The following TAS2R20 variants were observed in gnomAD, a reference collection of about 807,000 sequenced individuals.
TAS2R20 encodes the protein taste receptor type 2 member 20.
For synonymous variants in TAS2R20, 136 were observed against 127.1 expected (o/e 1.07, Z -0.47); for missense variants, 364 against 352.2 (o/e 1.03, Z -0.27).
chr12:10,996,261 G>A lies in TAS2R20; in HGVS notation c.*685C>T, dbSNP rs1403010879. Among the ~76,000 whole-genome samples, 1 of 151,710 alleles carries A rather than the reference G, an allele frequency of 6.6e-6. No individual in the cohort carries two copies. Among genetic ancestry groups the A allele is most frequent in the African/African-American group, 2.4e-5 (1 of 41,312 alleles). On this transcript the variant is annotated 3_prime_UTR_variant, in exon 1 of 1. Coordinates refer to ENST00000538986, the MANE Select transcript of TAS2R20 (RefSeq NM_176889.4). ...TGGAAATCACTTGAACCCCAGAGGT[G>A]AACGTTGTGGTGAGCCAAGATTGTG...
rs768693179 is a variant in TAS2R20, at chr12:10,996,973, T to G, written c.903A>C (p.Ala301=). ...ATGGAGTTGACTGGTTCTGTCCTTT[T>G]GCCCAGCAAGTCACCTGCCACAAAA... ...LSVLWQVTCW[A]KGQNQSTP The change falls in exon 1 of 1, where the codon GCA becomes GCC. Residue 301 remains alanine, a synonymous_variant. Transcript: ENST00000538986. 1.9e-6 allele frequency: 3 copies of G among 1,613,266 alleles called. No individual in the cohort carries two copies. The African/African-American group carries it at 4.0e-5, about 22-fold the overall frequency.
chr12:10,997,051 G>A lies in TAS2R20; in HGVS notation c.825C>T (p.His275=), dbSNP rs747469038. The A allele has an allele frequency of 1.9e-6, 3 of 1,613,944 alleles. No individual in the cohort carries two copies. Among genetic ancestry groups the A allele is most frequent in the African/African-American group, 1.3e-5 (1 of 74,928 alleles). The change falls in exon 1 of 1, where the codon CAC becomes CAT. Residue 275 remains histidine, a synonymous_variant. Transcript: ENST00000538986. ...QAFGIIYPSF[H]SFILIWGNKT... is the part of the protein sequence containing the mutation. Reference sequence around the variant, plus strand: ...TGTTCCCCCAAATCAGAATGAATGAGTGGAATGATGGATATATGATTCCAA... The same window carrying A: ...TGTTCCCCCAAATCAGAATGAATGAATGGAATGATGGATATATGATTCCAA...
Position 10,998,012 on chromosome 12 carries a change from G to T in TAS2R20, c.-137C>A. On this transcript the variant is annotated 5_prime_UTR_variant, in exon 1 of 1. Transcript: ENST00000538986. ...CATTCTTTATACTTTTAAATTCTGT[G>T]AACAATGTCAACAGAAAAGCACCAG... 3 of 601,358 alleles carry T rather than the reference G, an allele frequency of 5.0e-6. No individual in the cohort carries two copies. Among genetic ancestry groups the T allele is most frequent in the Non-Finnish European group, 8.3e-6 (3 of 360,628 alleles). The allele number at this position is 601,358 out of a possible 1,614,324, so 37.3% of individuals were successfully genotyped here.
chr12:10,997,740 G>C lies in TAS2R20; in HGVS notation c.136C>G (p.Gln46Glu), dbSNP rs1417476315. The change falls in exon 1 of 1, where the codon CAA becomes GAA. Residue 46 changes from glutamine (Q) to glutamate (E), a missense_variant. Physicochemically the swap from Gln to Glu is conservative, Grantham distance 29 (BLOSUM62 2). Coordinates refer to ENST00000538986, the MANE Select transcript of TAS2R20 (RefSeq NM_176889.4). ...GAGACTGCCAGAGCAGCAATAATTT[G>C]ATCAGCTGAGGAGATCTTTTGTCTC... ...VKRQKISSAD[Q>E]IIAALAVSRV... 6.2e-7 allele frequency: 1 copy of C among 1,613,904 alleles called. No homozygotes were observed. The highest frequency in any genetic ancestry group is 8.5e-7 in the Non-Finnish European group (1 of 1,179,916).
Position 10,996,173 on chromosome 12 carries a change from C to CA in TAS2R20, c.*772dup, listed in dbSNP as rs1940221227. On this transcript the variant is annotated 3_prime_UTR_variant, in exon 1 of 1. Transcript: ENST00000538986. ...TCTACTAAAAAAAAAAAGAAAAATA[C>CA]AAAAAATTAGCCACGTGTGGTAGCG... is the stretch of plus-strand genomic sequence containing the variant. 6.7e-6 allele frequency among the ~76,000 whole-genome samples: 1 copy of CA among 150,344 alleles called. No homozygotes were observed. Among genetic ancestry groups the CA allele is most frequent in the Non-Finnish European group, 1.5e-5 (1 of 67,534 alleles).
chr12:10,997,824 T>C lies in TAS2R20; in HGVS notation c.52A>G (p.Ile18Val), dbSNP rs917131548. 1 of 1,612,060 alleles carries C rather than the reference T, an allele frequency of 6.2e-7. No homozygotes were observed. Among genetic ancestry groups the C allele is most frequent in the Non-Finnish European group, 8.5e-7 (1 of 1,179,424 alleles). ...VFSILVVVAFILGNFANGFIA... is the reference protein window; with the variant it reads ...VFSILVVVAFVLGNFANGFIA... ...AAGCCATTGGCAAAATTTCCAAGAA[T>C]AAATGCAACCACTACTAGAATGGAA... The change falls in exon 1 of 1, where the codon ATT (isoleucine) becomes GTT (valine). Residue 18 changes from isoleucine (I) to valine (V), a missense_variant. Transcript: ENST00000538986.
Position 10,997,520 on chromosome 12 carries a change from T to C in TAS2R20, c.356A>G (p.His119Arg). ...ACTCTTAGCCTTCCTTTTTAAGTGATGAAAAATAAGTCTGGAGAAATTGAC... is the reference window on the plus strand; with the variant it reads ...ACTCTTAGCCTTCCTTTTTAAGTGACGAAAAATAAGTCTGGAGAAATTGAC... ...KIVNFSRLIF[H>R]HLKRKAKSVV... The change falls in exon 1 of 1, where the codon CAT (histidine) becomes CGT (arginine). Residue 119 changes from histidine (H) to arginine (R), a missense_variant. His to Arg is a conservative substitution (Grantham distance 29, BLOSUM62 0). Transcript: ENST00000538986. The C allele has an allele frequency of 6.2e-7, 1 of 1,613,918 alleles. No individual in the cohort carries two copies. Among genetic ancestry groups the C allele is most frequent in the Non-Finnish European group, 8.5e-7 (1 of 1,179,936 alleles).
chr12:10,997,393 G>C lies in TAS2R20; in HGVS notation c.483C>G (p.Asn161Lys), dbSNP rs1445291780. ...TCCTCAGTTTGATCTTCCAAGTTACGTTTCCTTCACATTCTTCTGTCCACA... is the reference window on the plus strand; with the variant it reads ...TCCTCAGTTTGATCTTCCAAGTTACCTTTCCTTCACATTCTTCTGTCCACA... ...INVWTEECEG[N>K]VTWKIKLRNA... The change falls in exon 1 of 1, where the codon AAC becomes AAG. Residue 161 changes from asparagine to lysine, a missense_variant. Asn to Lys is a moderately conservative substitution (Grantham distance 94). Transcript: ENST00000538986. The C allele has an allele frequency of 6.2e-7, 1 of 1,614,082 alleles. No homozygotes were observed. The highest frequency in any genetic ancestry group is 8.5e-7 in the Non-Finnish European group (1 of 1,180,004).
At position 10,997,470 on chromosome 12, in the gene TAS2R20, A is replaced by T. The variant is rs1940335347; in HGVS notation, c.406T>A (p.Ser136Thr). Residue 136 changes from serine (S) to threonine (T), a missense_variant, in exon 1 of 1, where the codon TCT becomes ACT. Transcript: ENST00000538986. ...AGGTGACAAACCAAAAAGAACAAAG[A>T]CCCCAACACTATCACCAGAACTACA... ...KSVVLVIVLG[S>T]LFFLVCHLVM... 2 of 1,613,140 alleles carry T rather than the reference A, an allele frequency of 1.2e-6. No homozygotes were observed. The highest frequency in any genetic ancestry group is 2.2e-5 in the South Asian group (2 of 91,036).
chr12:10,997,713 T>C lies in TAS2R20; in HGVS notation c.163A>G (p.Arg55Gly). ...AATATTACCCAGAGCAAACCAACTCTGGAGACTGCCAGAGCAGCAATAATT... is the reference window on the plus strand; with the variant it reads ...AATATTACCCAGAGCAAACCAACTCCGGAGACTGCCAGAGCAGCAATAATT... ...DQIIAALAVSRVGLLWVILLH... is the reference protein window; with the variant it reads ...DQIIAALAVSGVGLLWVILLH... Residue 55 changes from arginine to glycine, a missense_variant, in exon 1 of 1, where the codon AGA becomes GGA. By Grantham distance (125) the Arg-to-Gly change is moderately radical (BLOSUM62 -2). Coordinates refer to ENST00000538986, the MANE Select transcript of TAS2R20 (RefSeq NM_176889.4). 1 of 1,613,910 alleles carries C rather than the reference T, an allele frequency of 6.2e-7. No homozygotes were observed. Among genetic ancestry groups the C allele is most frequent in the Non-Finnish European group, 8.5e-7 (1 of 1,179,922 alleles).
rs1421526946 is a variant in TAS2R20 at position 10,998,048 on chromosome 12, T to C, written c.-173A>G. On this transcript the variant is annotated 5_prime_UTR_variant, in exon 1 of 1. Coordinates refer to ENST00000538986, the MANE Select transcript of TAS2R20 (RefSeq NM_176889.4). ...ACAGAAAAGCACCAGCTTAAACTAA[T>C]GAATGAGTTCAATGCTGCCTTTATG... Among the ~76,000 whole-genome samples the C allele has an allele frequency of 2.0e-5, 3 of 152,202 alleles. No individual in the cohort carries two copies. Among genetic ancestry groups the C allele is most frequent in the Admixed American group, 6.5e-5 (1 of 15,272 alleles).
Position 10,997,390 on chromosome 12 carries a change from T to A in TAS2R20, c.486A>T (p.Val162=). The A allele has an allele frequency of 6.2e-7, 1 of 1,614,154 alleles. No homozygotes were observed. Among genetic ancestry groups the A allele is most frequent in the Non-Finnish European group, 8.5e-7 (1 of 1,180,018 alleles). ...CATTCCTCAGTTTGATCTTCCAAGT[T>A]ACGTTTCCTTCACATTCTTCTGTCC... ...NVWTEECEGN[V]TWKIKLRNAM... Residue 162 remains valine, a synonymous_variant, in exon 1 of 1, where the codon GTA becomes GTT. Coordinates refer to ENST00000538986, the MANE Select transcript of TAS2R20 (RefSeq NM_176889.4).
In TAS2R20 at chr12:10,997,549, C is replaced by T. The variant is rs1159637028; in HGVS notation, c.327G>A (p.Lys109=). The T allele has an allele frequency of 6.2e-7, 1 of 1,614,050 alleles. No homozygotes were observed. The highest frequency in any genetic ancestry group is 8.5e-7 in the Non-Finnish European group (1 of 1,179,954). ...AAATAAGTCTGGAGAAATTGACGAT[C>T]TTGAGCAAATAAAATATGCTGAGGC... ...ATSLSIFYLL[K]IVNFSRLIFH... The change falls in exon 1 of 1, where the codon AAG becomes AAA. Residue 109 remains lysine (K), a synonymous_variant. Transcript: ENST00000538986.
chr12:10,997,670 G>T lies in TAS2R20; in HGVS notation c.206C>A (p.Thr69Asn). 2 of 1,613,670 alleles carry T rather than the reference G, an allele frequency of 1.2e-6. No individual in the cohort carries two copies. Among genetic ancestry groups the T allele is most frequent in the Non-Finnish European group, 1.7e-6 (2 of 1,179,888 alleles). Residue 69 changes from threonine (T) to asparagine (N), a missense_variant, in exon 1 of 1, where the codon ACT becomes AAT. Physicochemically the swap from Thr to Asn is moderately conservative, Grantham distance 65 (BLOSUM62 0). Coordinates refer to ENST00000538986, the MANE Select transcript of TAS2R20 (RefSeq NM_176889.4). ...ATTAGATGAAGTTGGATTCAACACA[G>T]TTGAATACCAATGTAATAATATTAC... is the stretch of plus-strand genomic sequence containing the variant. ...LWVILLHWYS[T>N]VLNPTSSNLK...
Position 10,998,017 on chromosome 12 carries a change from A to T in TAS2R20, c.-142T>A. The T allele has an allele frequency of 3.4e-6, 2 of 591,012 alleles. No homozygotes were observed. Among genetic ancestry groups the T allele is most frequent in the Non-Finnish European group, 5.7e-6 (2 of 351,498 alleles). The allele number at this position is 591,012 out of a possible 1,614,324, so 36.6% of individuals were successfully genotyped here. ...TTTATACTTTTAAATTCTGTGAACA[A>T]TGTCAACAGAAAAGCACCAGCTTAA... On this transcript the variant is annotated 5_prime_UTR_variant, in exon 1 of 1. It adds an upstream start codon to the 5' untranslated region. Transcript: ENST00000538986.
the TAS2R20 span, chr12:10,997,126 C>T: frequency 1.2e-6 from 2 of 1,613,994 alleles, no homozygotes; most frequent in South Asian, 2.2e-5. Flanking sequence ...TCTTAAAATT[C>T]CAAAACGATA....
chr12:10,997,412 G>A lies in TAS2R20; in HGVS notation c.464C>T (p.Thr155Ile). 1 of 1,614,008 alleles carries A rather than the reference G, an allele frequency of 6.2e-7. No homozygotes were observed. Residue 155 changes from threonine to isoleucine, a missense_variant, in exon 1 of 1, where the codon ACA (threonine) becomes ATA (isoleucine). Coordinates refer to ENST00000538986, the MANE Select transcript of TAS2R20 (RefSeq NM_176889.4). ...VMKHTYINVW[T>I]EECEGNVTWK... is the part of the protein sequence containing the mutation. The stretch of plus-strand genomic sequence containing the variant: ...AGTTACGTTTCCTTCACATTCTTCT[G>A]TCCACACATTTATATACGTGTGTTT...
chr12:10,996,151 A>G lies in TAS2R20; in HGVS notation c.*795T>C, dbSNP rs897180735. ...GCCAGCATGGTGAAACCCCATCTCT[A>G]CTAAAAAAAAAAAGAAAAATACAAA... On this transcript the variant is annotated 3_prime_UTR_variant, in exon 1 of 1. Coordinates refer to ENST00000538986, the MANE Select transcript of TAS2R20 (RefSeq NM_176889.4). Among the ~76,000 whole-genome samples the G allele has an allele frequency of 1.7e-4, 25 of 151,392 alleles. No homozygotes were observed. The highest frequency in any genetic ancestry group is 2.9e-4 in the Non-Finnish European group (20 of 67,874).
Position 10,997,078 on chromosome 12 carries a change from A to G in TAS2R20, c.798T>C (p.Ala266=), listed in dbSNP as rs1193538195. The part of the protein sequence containing the change: ...PKEIVLMLCQ[A]FGIIYPSFHS... ...GGAATGATGGATATATGATTCCAAA[A>G]GCTTGGCAAAGCATTAAGACAATTT... is the stretch of plus-strand genomic sequence containing the variant. The change falls in exon 1 of 1, where the codon GCT becomes GCC. Residue 266 remains alanine, a synonymous_variant. Transcript: ENST00000538986. 1.2e-6 allele frequency: 2 copies of G among 1,613,960 alleles called. No individual in the cohort carries two copies. The highest frequency in any genetic ancestry group is 1.7e-6 in the Non-Finnish European group (2 of 1,179,974).
Sources: allele counts gnomAD v4.1 joint callset (sites outside exome capture counted in the v4.1 genomes callset), GRCh38; gene constraint gnomAD v4.1.1; transcripts MANE v1.5; gene names NCBI Gene and HGNC (gene_info 2026-07-23, HGNC 2026-07-21).